REXO1: variants seen among roughly 807,000 people sequenced by gnomAD.
The protein encoded by REXO1 is REX1, RNA exonuclease 1 homolog.
A neutral mutation model predicts 102.6 loss-of-function variants in REXO1; 42 were observed. That is an observed-to-expected ratio of 0.41 (90% CI 0.32 to 0.53). The LOEUF (loss-of-function observed/expected upper bound fraction) is 0.53. Among genes scored for constraint, REXO1 ranks in the 20% least tolerant of loss-of-function variants. The pLI is 0.27. For synonymous variants in REXO1, 908 were observed against 779.1 expected, an observed-to-expected ratio of 1.17 and a Z score of -2.76; for missense variants, 1,819 against 1,732.5, an observed-to-expected ratio of 1.05 and a Z score of -0.89.
At chr19:1,819,199 T>TTGGCC in intron 7 of REXO1, 68 bp from the exon 8 acceptor site, 1 of 1,202,686 alleles carries the variant, frequency 8.3e-7, no homozygotes, top group Non-Finnish European at 1.2e-6. Context: ...CCGCCTGCTC[T>TTGGCC]CCCACCCACC....
chr19:1,829,665 G>A (rs541497897), intron 1 of REXO1, among the ~76,000 whole-genome samples: 111 of 152,124 alleles, frequency 7.3e-4, no homozygotes, highest in Admixed American at 6.2e-3. Context: ...AAAATTAGCC[G>A]GGCGTGGTGG....
chr19:1,823,687 C>T lies in REXO1; in HGVS notation c.2115G>A (p.Ser705=), dbSNP rs763253399. Residue 705 remains serine, a synonymous_variant, in exon 4 of 16, where the codon TCG becomes TCA. Coordinates refer to ENST00000170168, the MANE Select transcript of REXO1 (RefSeq NM_020695.4). ...YLRAQQAQRA[S]ASLLQAPARL... ...TGGCGGGGGCCTGCAGCAAGCTCGC[C>T]GATGCCCTCTGCGCCTGCTGGGCCC... is the stretch of plus-strand genomic sequence containing the variant. 40 of 1,288,202 alleles carry T rather than the reference C, an allele frequency of 3.1e-5. No individual in the cohort carries two copies. The Middle Eastern group carries it at 7.1e-4, about 23-fold the overall frequency. 79.8% of individuals were successfully genotyped at this position (1,288,202 alleles called of 1,614,324 possible).
chr19:1,816,100 C>A lies in REXO1; in HGVS notation c.3632G>T (p.Trp1211Leu). ...DAGACMHLVI[W>L]KVREDAKTKR ...GGTCTTGGCGTCTTCTCGAACCTTC[C>A]AGATCACCAGGTGCATGCAGGCGCC... The change falls in exon 16 of 16, where the codon TGG becomes TTG. Residue 1211 changes from tryptophan (W) to leucine (L), a missense_variant. Physicochemically the swap from Trp to Leu is moderately conservative, Grantham distance 61 (BLOSUM62 -2). Coordinates refer to ENST00000170168, the MANE Select transcript of REXO1 (RefSeq NM_020695.4). The A allele has an allele frequency of 6.5e-7, 1 of 1,549,078 alleles. No homozygotes were observed. Among genetic ancestry groups the A allele is most frequent in the South Asian group, 1.2e-5 (1 of 84,122 alleles).
chr19:1,817,414 G>T, intron 11 of REXO1, 85 bp from the exon 12 acceptor site: 1 of 1,565,342 alleles, frequency 6.4e-7, no homozygotes, highest in Non-Finnish European at 8.6e-7. Flanking sequence ...TGAGCCCTTC[G>T]GGACCATCCT....
intron 1 of REXO1, among the ~76,000 whole-genome samples, chr19:1,833,312 G>A (rs541268805): frequency 6.6e-6 from 1 of 152,382 alleles, no homozygotes; most frequent in African/African-American, 2.4e-5. Flanking sequence ...GGGACTGTGT[G>A]GAGGGCCACG....
chr19:1,823,260 A>G (rs1456847235), intron 4 of REXO1: 1 of 343,548 alleles, frequency 2.9e-6, no homozygotes, highest in African/African-American at 2.1e-5. Context: ...AATGCCAGGT[A>G]CCCCGACATG....
At chr19:1,825,063 C>A (rs1223713779) in intron 3 of REXO1, among the ~76,000 whole-genome samples, 3 of 147,744 alleles carry the variant, frequency 2.0e-5, no homozygotes, top group Admixed American at 2.0e-4. Context: ...TGCTTGTAAT[C>A]CCAGCATTTT....
chr19:1,831,916 T>C (rs2069916655), intron 1 of REXO1, among the ~76,000 whole-genome samples: 1 of 139,702 alleles, frequency 7.2e-6, no homozygotes, highest in Non-Finnish European at 1.5e-5. Context: ...CCCAAGCTGC[T>C]CCCCCGAGAC....
Position 1,828,148 on chromosome 19 carries a change from C to T in REXO1, c.641G>A (p.Arg214His), listed in dbSNP as rs527789583. 3.4e-5 allele frequency: 54 copies of T among 1,610,354 alleles called. No homozygotes were observed. The highest frequency in any genetic ancestry group is 2.2e-4 in the East Asian group (10 of 44,858). ...KAVSQPRRHS[R>H]PVPSGKYVVD... ...CACGTACTTGCCACTGGGAACGGGG[C>T]GGCTGTGCCGCCGGGGCTGGCTCAC... The change falls in exon 2 of 16, where the codon CGC becomes CAC. Residue 214 changes from arginine (R) to histidine (H), a missense_variant. By Grantham distance (29) the Arg-to-His change is conservative. Coordinates refer to ENST00000170168, the MANE Select transcript of REXO1 (RefSeq NM_020695.4).
intron 1 of REXO1, chr19:1,830,881 C>T (rs2069882836): frequency 6.5e-6 from 1 of 154,336 alleles, no homozygotes; most frequent in Non-Finnish European, 1.5e-5. Flanking sequence ...AAAAACACAA[C>T]AATAAATAAC....
Position 1,827,064 on chromosome 19 carries a change from G to A in REXO1, c.1725C>T (p.Pro575=), listed in dbSNP as rs2145276573. The A allele has an allele frequency of 2.4e-6, 2 of 840,026 alleles. No homozygotes were observed. The highest frequency in any genetic ancestry group is 1.4e-5 in the South Asian group (1 of 69,238). 52.0% of individuals were successfully genotyped at this position (840,026 alleles called of 1,614,324 possible). ...GPPKRLKASP[P]PSPAPSSSSS... ...AGGAGGAGGATGGGGCGGGGGAGGG[G>A]GGCGGGGAGGCCTTGAGCCGCTTGG... The change falls in exon 2 of 16, where the codon CCC becomes CCT. Residue 575 remains proline, a synonymous_variant. Transcript: ENST00000170168.
intron 1 of REXO1, among the ~76,000 whole-genome samples, chr19:1,836,928 A>G (rs2070057055): frequency 6.6e-6 from 1 of 152,136 alleles, no homozygotes; most frequent in Admixed American, 6.5e-5. Flanking sequence ...GGAAACAGAC[A>G]GTCCCTCCCG....
At chr19:1,824,583 A>C (rs1315392272) in intron 3 of REXO1, 1 of 152,260 alleles carries the variant, frequency 6.6e-6, no homozygotes, top group East Asian at 1.9e-4. Flanking sequence ...CACTAAAAAA[A>C]AGTAAGACAT....
intron 1 of REXO1, among the ~76,000 whole-genome samples, chr19:1,843,494 G>A (rs893539): frequency 0.24 from 37,229 of 152,012 alleles, 4,743 homozygotes; most frequent in South Asian, 0.28. Context: ...CCCACCAGAC[G>A]ACAATCTGGC....
chr19:1,820,726 C>T (rs2069508910), intron 5 of REXO1, among the ~76,000 whole-genome samples: 1 of 152,250 alleles, frequency 6.6e-6, no homozygotes, highest in African/African-American at 2.4e-5. Context: ...AGCGTGGTGG[C>T]TCACGCCTAT....
chr19:1,837,034 C>T (rs115068941), intron 1 of REXO1, among the ~76,000 whole-genome samples: 187 of 152,340 alleles, frequency 1.2e-3, no homozygotes, highest in African/African-American at 4.4e-3. Context: ...GCCATCTGGG[C>T]GGCCTGAGGC....
intron 1 of REXO1, chr19:1,835,003 G>C (rs2070001110): frequency 9.5e-6 from 4 of 423,116 alleles, no homozygotes; most frequent in East Asian, 1.7e-4. Context: ...GCCAGGTCTG[G>C]AAGTTTCACA....
At position 1,817,056 on chromosome 19, in the gene REXO1, T is replaced by C. The variant is rs374893248; in HGVS notation, c.3201+163A>G. 496 of 861,782 alleles carry C rather than the reference T, an allele frequency of 5.8e-4. 1 individual carries two copies. In the African/African-American group the frequency reaches 7.1e-3, roughly 12 times the overall value. The allele number at this position is 861,782 out of a possible 1,614,324, so 53.4% of individuals were successfully genotyped here. A position where few individuals can be genotyped will look rare whatever the true frequency, so the allele number is the denominator to read the frequency against. ...CGGTGTGCTTGGCTCTGCTGGGAAG[T>C]ATGGGGTGTTGGTCCAGGGCAGGAG... On this transcript the variant is annotated intron_variant, in intron 12 of 15. Transcript: ENST00000170168.
intron 1 of REXO1, among the ~76,000 whole-genome samples, chr19:1,842,083 T>C (rs1398296891): frequency 6.6e-6 from 1 of 151,960 alleles, no homozygotes; most frequent in Non-Finnish European, 1.5e-5. Context: ...TGGTAGCAGG[T>C]GCCTGTAATC....
Sources: allele counts gnomAD v4.1 joint callset (sites outside exome capture counted in the v4.1 genomes callset), GRCh38; gene constraint gnomAD v4.1.1; transcripts MANE v1.5; gene names NCBI Gene and HGNC (gene_info 2026-07-23, HGNC 2026-07-21).